The following SLIT2 variants were observed in gnomAD, a reference collection of about 807,000 sequenced individuals.
SLIT2 encodes the protein slit homolog 2 protein.
Under a neutral mutation model 185.7 loss-of-function variants are expected in SLIT2, and 41 were observed. The ratio of observed to expected loss-of-function variants is 0.22; its 90% CI spans 0.17 to 0.29. SLIT2 has a LOEUF of 0.29. Among genes scored for constraint, SLIT2 ranks in the 10% least tolerant of loss-of-function variants. The pLI is 1.00. For missense variants in SLIT2, 1,571 were observed against 1,909.0 expected, an observed-to-expected ratio of 0.82 and a Z score of 3.30; for synonymous variants, 693 against 680.2, an observed-to-expected ratio of 1.02 and a Z score of -0.29.
At chr4:20,508,975 G>C (rs546020583) in intron 9 of SLIT2, among the ~76,000 whole-genome samples, 28 of 151,886 alleles carry the variant, frequency 1.8e-4, no homozygotes, top group Non-Finnish European at 2.4e-4. Context: ...TAATGTCCTA[G>C]GGATAATTTG....
rs575365883 is a variant in SLIT2, at chr4:20,381,963, A to G, written c.396-85789A>G. 5.8e-4 allele frequency among the ~76,000 whole-genome samples: 88 copies of G among 151,976 alleles called. No individual in the cohort carries two copies. In the South Asian group the frequency reaches 0.015, roughly 25 times the overall value. Reference sequence around the variant, plus strand: ...CATAAATACAAAACTGTATTTATTTATACATAAATACAAAACTCCTTTTTA... The same window carrying G: ...CATAAATACAAAACTGTATTTATTTGTACATAAATACAAAACTCCTTTTTA... On this transcript the variant is annotated intron_variant, in intron 4 of 36. Coordinates refer to ENST00000504154, the MANE Select transcript of SLIT2 (RefSeq NM_004787.4).
At chr4:20,471,088 AACAATGTGAAAG>A (rs1330294780) in intron 5 of SLIT2, among the ~76,000 whole-genome samples, 4 of 152,226 alleles carry the variant, frequency 2.6e-5, no homozygotes, top group African/African-American at 9.6e-5. Context: ...CCTTCCATGT[AACAATGTGAAAG>A]ACAATGAGGG....
intron 15 of SLIT2, among the ~76,000 whole-genome samples, chr4:20,527,545 G>A (rs950174160): frequency 5.9e-5 from 9 of 152,108 alleles, no homozygotes; most frequent in African/African-American, 2.2e-4. Flanking sequence ...TTGGCCTCCC[G>A]AAGTGCTAGT....
chr4:20,430,333 G>C (rs1320079768), intron 4 of SLIT2, among the ~76,000 whole-genome samples: 1 of 152,104 alleles, frequency 6.6e-6, no homozygotes, highest in Non-Finnish European at 1.5e-5. Flanking sequence ...ACTTTCTTGA[G>C]GGATATTCTA....
At chr4:20,371,849 C>T (rs1723602769) in intron 4 of SLIT2, among the ~76,000 whole-genome samples, 1 of 148,634 alleles carries the variant, frequency 6.7e-6, no homozygotes, top group Non-Finnish European at 1.5e-5. Context: ...TACTCTTGTA[C>T]TTTTTTTTTT....
chr4:20,472,242 ATATC>A (rs1407923832), intron 5 of SLIT2, among the ~76,000 whole-genome samples: 3 of 54,838 alleles, frequency 5.5e-5, no homozygotes, highest in Middle Eastern at 0.019. Flanking sequence ...ATAGATCTAT[ATATC>A]TATATATAGA....
At chr4:20,562,439 C>T (rs1398065709) in intron 26 of SLIT2, among the ~76,000 whole-genome samples, 1 of 151,734 alleles carries the variant, frequency 6.6e-6, no homozygotes, top group Admixed American at 6.6e-5. Context: ...TTTCCATTCA[C>T]TTAGTGGATT....
chr4:20,265,060 A>G (rs1222511635), intron 3 of SLIT2, among the ~76,000 whole-genome samples: 7 of 151,950 alleles, frequency 4.6e-5, no homozygotes, highest in Admixed American at 6.6e-5. Context: ...TCTTTAATTC[A>G]CTACATGCTG....
At chr4:20,485,379 T>C (rs1211368364) in intron 6 of SLIT2, among the ~76,000 whole-genome samples, 1 of 152,146 alleles carries the variant, frequency 6.6e-6, no homozygotes, top group Non-Finnish European at 1.5e-5. Flanking sequence ...ATTTGATGAA[T>C]GAATGAGTAG....
At chr4:20,417,191 C>T (rs1727750061) in intron 4 of SLIT2, among the ~76,000 whole-genome samples, 1 of 151,842 alleles carries the variant, frequency 6.6e-6, no homozygotes, top group Admixed American at 6.6e-5. Flanking sequence ...GGGCCTATTG[C>T]ATTTATTGTC....
At chr4:20,471,736 TC>T (rs1418310808) in intron 5 of SLIT2, among the ~76,000 whole-genome samples, 4 of 152,126 alleles carry the variant, frequency 2.6e-5, no homozygotes, top group African/African-American at 9.7e-5. Context: ...CAAGGCGGTA[TC>T]CCAACAATAT....
intron 30 of SLIT2, among the ~76,000 whole-genome samples, chr4:20,594,108 CATAT>C (rs575708540): frequency 2.7e-5 from 4 of 146,896 alleles, no homozygotes; most frequent in Middle Eastern, 3.6e-3. Flanking sequence ...CATATATACA[CATAT>C]ATATACACAT....
At position 20,511,113 on chromosome 4, in the gene SLIT2, A is replaced by G. The variant is rs757642457; in HGVS notation, c.1034A>G (p.Gln345Arg). The G allele has an allele frequency of 3.7e-6, 6 of 1,606,140 alleles. No homozygotes were observed. Among genetic ancestry groups the G allele is most frequent in the African/African-American group, 2.7e-5 (2 of 74,786 alleles). Reference sequence around the variant, plus strand: ...TCTGAACTTGCACCAGATGCTTTCCAAGGACTACGCTCTCTGAATTCACTG... The same window carrying G: ...TCTGAACTTGCACCAGATGCTTTCCGAGGACTACGCTCTCTGAATTCACTG... ...QISELAPDAF[Q>R]GLRSLNSLVL... Residue 345 changes from glutamine (Q) to arginine (R), a missense_variant, in exon 11 of 37, where the codon CAA becomes CGA. Physicochemically the swap from Gln to Arg is conservative, Grantham distance 43 (BLOSUM62 1). This residue lies in a region of SLIT2 where 1,202 missense variants were observed against 1,416.4 expected (regional missense o/e 0.85). Transcript: ENST00000504154.
Position 20,532,918 on chromosome 4 carries a change from A to T in SLIT2, c.1689-654A>T, listed in dbSNP as rs377170545. Among the ~76,000 whole-genome samples the T allele has an allele frequency of 1.8e-4, 27 of 152,346 alleles. 1 individual carries two copies. Among genetic ancestry groups the T allele is most frequent in the African/African-American group, 6.0e-4 (25 of 41,584 alleles). On this transcript the variant is annotated intron_variant, in intron 17 of 36. Transcript: ENST00000504154. Reference sequence around the variant, plus strand: ...GCAATTCTCTCAGAGAAATTAAAATATGCATAAAAATGATCCTTGTTTGGG... The same window carrying T: ...GCAATTCTCTCAGAGAAATTAAAATTTGCATAAAAATGATCCTTGTTTGGG...
chr4:20,324,968 T>A (rs1431670164), intron 4 of SLIT2, among the ~76,000 whole-genome samples: 1 of 152,134 alleles, frequency 6.6e-6, no homozygotes, highest in African/African-American at 2.4e-5. Flanking sequence ...AGTTTTCAAC[T>A]ATATCTTAAT....
At chr4:20,476,315 A>G (rs960537079) in intron 5 of SLIT2, among the ~76,000 whole-genome samples, 3 of 152,066 alleles carry the variant, frequency 2.0e-5, no homozygotes, top group African/African-American at 7.2e-5. Context: ...TGTGGTTTAT[A>G]TGTTTTATTT....
chr4:20,321,984 G>A (rs965235455), intron 4 of SLIT2, among the ~76,000 whole-genome samples: 7 of 152,074 alleles, frequency 4.6e-5, no homozygotes, highest in African/African-American at 1.7e-4. Flanking sequence ...AATCTGGAGG[G>A]GTGGGGTCCT....
In SLIT2 at chr4:20,358,977, G is replaced by GAT. The variant is rs1379390781; in HGVS notation, c.395+90104_395+90105dup. On this transcript the variant is annotated intron_variant, in intron 4 of 36. Coordinates refer to ENST00000504154, the MANE Select transcript of SLIT2 (RefSeq NM_004787.4). The stretch of plus-strand genomic sequence containing the variant: ...GTTCTTAACATAAATAGACAAGATT[G>GAT]ATATATATAATGGTATTTCAGTAGA... Among the ~76,000 whole-genome samples the GAT allele has an allele frequency of 5.9e-5, 9 of 152,088 alleles. No homozygotes were observed. In the East Asian group the frequency reaches 1.5e-3, roughly 26 times the overall value.
intron 4 of SLIT2, among the ~76,000 whole-genome samples, chr4:20,324,508 A>C (rs1455446504): frequency 6.6e-6 from 1 of 152,178 alleles, no homozygotes; most frequent in East Asian, 1.9e-4. Flanking sequence ...TGCAAGTCCC[A>C]AATCATTCCT....
Sources: allele counts gnomAD v4.1 joint callset (sites outside exome capture counted in the v4.1 genomes callset), GRCh38; gene constraint gnomAD v4.1.1; regional missense constraint gnomAD v4.1.1; transcripts MANE v1.5; gene names NCBI Gene and HGNC (gene_info 2026-07-23, HGNC 2026-07-21).